Variants in ZNF595 observed in about 807,000 individuals in gnomAD.
ZNF595 encodes the protein zinc finger protein 595.
In ZNF595, 9 loss-of-function variants were observed where a neutral mutation model predicts 19.4. That is an observed-to-expected ratio of 0.46 (90% CI 0.28 to 0.81). The LOEUF (loss-of-function observed/expected upper bound fraction) is 0.81, where lower values mean the gene tolerates loss of function less well. Among genes scored for constraint, ZNF595 ranks in the 30% least tolerant of loss-of-function variants. ZNF595 has a pLI of 0.11. For synonymous variants in ZNF595, 255 were observed against 255.9 expected (o/e 1.00, Z 0.03); for missense variants, 729 against 736.0 (o/e 0.99, Z 0.11).
At chr4:74,940 A>G (rs139667415) in intron 3 of ZNF595, among the ~76,000 whole-genome samples, 6 of 152,304 alleles carry the variant, frequency 3.9e-5, no homozygotes, top group African/African-American at 2.4e-5. Context: ...ATGTGCTTCT[A>G]TATTGGGTAT....
At chr4:79,508 G>A (rs1713814699) in intron 3 of ZNF595, among the ~76,000 whole-genome samples, 1 of 152,058 alleles carries the variant, frequency 6.6e-6, no homozygotes, top group Admixed American at 6.6e-5. Context: ...GTGTGTTCTG[G>A]ACATCTTTGT....
rs1188027641 is a variant in ZNF595 at position 83,634 on chromosome 4, A to G, written c.227-2097A>G. Among the ~76,000 whole-genome samples, 3 of 144,580 alleles carry G rather than the reference A, an allele frequency of 2.1e-5. No individual in the cohort carries two copies. The East Asian group carries it at 5.9e-4, about 28-fold the overall frequency. The allele number at this position is 144,580 out of a possible 152,430, so 94.9% of individuals were successfully genotyped here. A position where few individuals can be genotyped will look rare whatever the true frequency, so the allele number is the denominator to read the frequency against. Reference sequence around the variant, plus strand: ...GACTCCGTCTCAAAAAAAAAAAAAAAAAAAAAAAAAAGAAAGAAAGAAAGA... The same window carrying G: ...GACTCCGTCTCAAAAAAAAAAAAAAGAAAAAAAAAAAGAAAGAAAGAAAGA... On this transcript the variant is annotated intron_variant, in intron 3 of 3. Coordinates refer to ENST00000610261, the MANE Select transcript of ZNF595 (RefSeq NM_182524.4).
At position 86,521 on chromosome 4, in the gene ZNF595, C is replaced by T; in HGVS notation, c.1017C>T (p.Pro339=). The T allele has an allele frequency of 6.2e-7, 1 of 1,613,928 alleles. No individual in the cohort carries two copies. Among genetic ancestry groups the T allele is most frequent in the Non-Finnish European group, 8.5e-7 (1 of 1,179,924 alleles). ...AAAATATTCATACTGGCGAAAAACC[C>T]TACACATGTGAAAAATGTGGCAAAG... ...EHKNIHTGEK[P]YTCEKCGKAF... The change falls in exon 4 of 4, where the codon CCC becomes CCT. Residue 339 remains proline, a synonymous_variant. Coordinates refer to ENST00000610261, the MANE Select transcript of ZNF595 (RefSeq NM_182524.4).
At chr4:70,500 A>G (rs13130581) in intron 3 of ZNF595, among the ~76,000 whole-genome samples, 12,073 of 151,788 alleles carry the variant, frequency 0.08, 534 homozygotes, top group East Asian at 0.16. Flanking sequence ...CCCATGCCTG[A>G]CTAATTTTTG....
chr4:72,447 T>C (rs576246518), intron 3 of ZNF595, among the ~76,000 whole-genome samples: 1 of 152,212 alleles, frequency 6.6e-6, no homozygotes, highest in Admixed American at 6.5e-5. Context: ...GATACATTGG[T>C]GGTTTATAGA....
At chr4:77,668 T>C (rs952329079) in intron 3 of ZNF595, among the ~76,000 whole-genome samples, 1 of 152,206 alleles carries the variant, frequency 6.6e-6, no homozygotes, top group African/African-American at 2.4e-5. Context: ...GTGAAGTTCA[T>C]GTTTGGCAGA....
intron 3 of ZNF595, among the ~76,000 whole-genome samples, chr4:83,355 C>T (rs1328043507): frequency 1.3e-5 from 2 of 152,008 alleles, no homozygotes; most frequent in African/African-American, 4.8e-5. Context: ...TGTAGTGGCT[C>T]ACGCCTGTAA....
At position 85,948 on chromosome 4, in the gene ZNF595, T is replaced by C. The variant is rs1553801072; in HGVS notation, c.444T>C (p.Asn148=). Reference sequence around the variant, plus strand: ...CCCAGAGCAAAATATTTCAATGTAATACATGTGTTAAAGTTTTTAGTAAAT... The same window carrying C: ...CCCAGAGCAAAATATTTCAATGTAACACATGTGTTAAAGTTTTTAGTAAAT... ...STTQSKIFQC[N]TCVKVFSKFS... The change falls in exon 4 of 4, where the codon AAT becomes AAC. Residue 148 remains asparagine (N), a synonymous_variant. Transcript: ENST00000610261. 6.2e-7 allele frequency: 1 copy of C among 1,611,852 alleles called. No individual in the cohort carries two copies. Among genetic ancestry groups the C allele is most frequent in the South Asian group, 1.1e-5 (1 of 90,946 alleles).
intron 3 of ZNF595, among the ~76,000 whole-genome samples, chr4:71,599 C>T (rs1713433324): frequency 6.6e-6 from 1 of 152,200 alleles, no homozygotes; most frequent in Non-Finnish European, 1.5e-5. Flanking sequence ...TACTGCATCA[C>T]ATCCTCATGG....
At chr4:71,960 C>T (rs1421720973) in intron 3 of ZNF595, among the ~76,000 whole-genome samples, 1 of 151,888 alleles carries the variant, frequency 6.6e-6, no homozygotes, top group Admixed American at 6.6e-5. Context: ...TGCAGAGGCC[C>T]TTGGGAGGGT....
rs928813284 is a variant in ZNF595 at position 86,115 on chromosome 4, A to C, written c.611A>C (p.Lys204Thr). ...HAGEKPYKCE[K>T]CGKAFNRSTS... The stretch of plus-strand genomic sequence containing the variant: ...GGAGAGAAACCCTACAAATGTGAAA[A>C]ATGTGGCAAAGCCTTTAATAGGTCC... Residue 204 changes from lysine (K) to threonine (T), a missense_variant, in exon 4 of 4, where the codon AAA (lysine) becomes ACA (threonine). Physicochemically the swap from Lys to Thr is moderately conservative, Grantham distance 78. Coordinates refer to ENST00000610261, the MANE Select transcript of ZNF595 (RefSeq NM_182524.4). 10 of 1,613,740 alleles carry C rather than the reference A, an allele frequency of 6.2e-6. No homozygotes were observed. Among genetic ancestry groups the C allele is most frequent in the Non-Finnish European group, 8.5e-6 (10 of 1,179,812 alleles).
At chr4:66,305 C>A (rs1425615597) in intron 3 of ZNF595, among the ~76,000 whole-genome samples, 5 of 151,086 alleles carry the variant, frequency 3.3e-5, no homozygotes, top group African/African-American at 1.2e-4. Flanking sequence ...ACATTTTCAT[C>A]TCTTGTCTAT....
At chr4:83,624 A>G (rs1714012915) in intron 3 of ZNF595, among the ~76,000 whole-genome samples, 1 of 135,316 alleles carries the variant, frequency 7.4e-6, no homozygotes, top group South Asian at 2.4e-4. Context: ...CGTCTCAAAA[A>G]AAAAAAAAAA....
intron 3 of ZNF595, 105 bp from the exon 4 acceptor site, chr4:85,626 G>A (rs556887200): frequency 1.5e-6 from 2 of 1,294,598 alleles, no homozygotes; most frequent in African/African-American, 1.5e-5. Flanking sequence ...ATTTTGTTAT[G>A]CTATCTTACT....
intron 3 of ZNF595, among the ~76,000 whole-genome samples, chr4:83,757 G>T (rs1714022863): frequency 6.6e-6 from 1 of 150,710 alleles, no homozygotes; most frequent in Admixed American, 6.6e-5. Flanking sequence ...ATAATTTGCT[G>T]AAATGGAAAG....
intron 1 of ZNF595, among the ~76,000 whole-genome samples, chr4:57,724 ATTG>A (rs1313565083): frequency 6.6e-6 from 1 of 152,192 alleles, no homozygotes; most frequent in East Asian, 1.9e-4. Context: ...CTTCCCTTTT[ATTG>A]TTTTGTGAGT....
intron 3 of ZNF595, among the ~76,000 whole-genome samples, chr4:77,489 C>A (rs976151309): frequency 6.6e-6 from 1 of 152,082 alleles, no homozygotes; most frequent in African/African-American, 2.4e-5. Flanking sequence ...ATCTGTGAAG[C>A]CTTATTTTGA....
chr4:84,004 A>G (rs1022619761), intron 3 of ZNF595, among the ~76,000 whole-genome samples: 7 of 152,168 alleles, frequency 4.6e-5, no homozygotes, highest in Non-Finnish European at 1.0e-4. Context: ...GTATCCATAC[A>G]GATACTTACT....
At chr4:54,943 G>A (rs1292977616) in intron 1 of ZNF595, among the ~76,000 whole-genome samples, 4 of 152,338 alleles carry the variant, frequency 2.6e-5, no homozygotes, top group East Asian at 1.9e-4. Flanking sequence ...GTGCAGTGGC[G>A]TGATCTCGGC....
Sources: allele counts gnomAD v4.1 joint callset (sites outside exome capture counted in the v4.1 genomes callset), GRCh38; gene constraint gnomAD v4.1.1; transcripts MANE v1.5; gene names NCBI Gene and HGNC (gene_info 2026-07-23, HGNC 2026-07-21).